Variants in GALNT18 observed in about 807,000 individuals in gnomAD.
GALNT18 encodes GalNAc-transferase 18.
GALNT18 carries 44 observed loss-of-function variants against 69.5 expected under a neutral mutation model. That is an observed-to-expected ratio of 0.63 (90% CI 0.50 to 0.81). The LOEUF (loss-of-function observed/expected upper bound fraction) is 0.81. Ranked by LOEUF, GALNT18 falls within the 40% of genes least tolerant of loss-of-function variation. The pLI is 0.00. For synonymous variants in GALNT18, 364 were observed against 318.2 expected (o/e 1.14, Z -1.53); for missense variants, 715 against 810.0 (o/e 0.88, Z 1.42).
At chr11:11,423,193 C>T (rs1191621571) in intron 3 of GALNT18, among the ~76,000 whole-genome samples, 1 of 152,218 alleles carries the variant, frequency 6.6e-6, no homozygotes, top group Non-Finnish European at 1.5e-5. Flanking sequence ...TGCACACACA[C>T]ACTTGTATGC....
intron 5 of GALNT18, among the ~76,000 whole-genome samples, chr11:11,374,826 T>A (rs1217724074): frequency 2.0e-5 from 3 of 152,256 alleles, no homozygotes; most frequent in Admixed American, 1.3e-4. Context: ...TTGGAATGCA[T>A]GTGCAGAACC....
In GALNT18 at chr11:11,341,677, C is replaced by T. The variant is rs555238715; in HGVS notation, c.1093-673G>A. 3.9e-4 allele frequency among the ~76,000 whole-genome samples: 60 copies of T among 152,194 alleles called. No homozygotes were observed. The highest frequency in any genetic ancestry group is 7.6e-4 in the Non-Finnish European group (52 of 68,030). ...AGTGTTAATGGGCAGCATCTCAAAG[C>T]TCTCGCTACAATCTTTCCAGCCATC... On this transcript the variant is annotated intron_variant, in intron 6 of 10. Coordinates refer to ENST00000227756, the MANE Select transcript of GALNT18 (RefSeq NM_198516.3). This position sits in a 1 kb window ranked among gnomAD's most constrained non-coding sequence, Gnocchi z 6.3.
intron 10 of GALNT18, among the ~76,000 whole-genome samples, chr11:11,280,454 G>A (rs1380505151): frequency 6.6e-6 from 1 of 151,872 alleles, no homozygotes; most frequent in Admixed American, 6.6e-5. Context: ...TCTTCCCCCA[G>A]CTGCCCACCC....
chr11:11,579,736 C>G (rs1859027909), intron 1 of GALNT18, among the ~76,000 whole-genome samples: 1 of 152,232 alleles, frequency 6.6e-6, no homozygotes, highest in African/African-American at 2.4e-5. Flanking sequence ...CCTGTGTGCT[C>G]TAAGGCCATG....
chr11:11,609,364 C>T (rs1385381176), intron 1 of GALNT18, among the ~76,000 whole-genome samples: 1 of 152,210 alleles, frequency 6.6e-6, no homozygotes, highest in East Asian at 1.9e-4. Flanking sequence ...GCCACAGGGG[C>T]TTTGCACTGG....
chr11:11,372,408 C>A lies in GALNT18; in HGVS notation c.1092+107G>T. On this transcript the variant is annotated intron_variant, in intron 6 of 10. Transcript: ENST00000227756. This position sits in a 1 kb window ranked among gnomAD's most constrained non-coding sequence, Gnocchi z 4.9. ...CACACAGGATTCAGGACTGGACATT[C>A]AGAATCAGTCTGTGACCCTCAACCT... 1.2e-6 allele frequency: 1 copy of A among 818,062 alleles called. No homozygotes were observed. Among genetic ancestry groups the A allele is most frequent in the Non-Finnish European group, 2.0e-6 (1 of 489,084 alleles). 50.7% of individuals were successfully genotyped at this position (818,062 alleles called of 1,614,324 possible). A position where few individuals can be genotyped will look rare whatever the true frequency, so the allele number is the denominator to read the frequency against.
intron 1 of GALNT18, among the ~76,000 whole-genome samples, chr11:11,594,916 C>A (rs1397416492): frequency 7.1e-6 from 1 of 139,902 alleles, no homozygotes; most frequent in African/African-American, 2.7e-5. Context: ...ACAAAATATG[C>A]GTGTGTGTAT....
chr11:11,488,236 A>G (rs767061462), intron 1 of GALNT18, among the ~76,000 whole-genome samples: 16 of 152,238 alleles, frequency 1.1e-4, no homozygotes, highest in Non-Finnish European at 2.4e-4. Flanking sequence ...TCAAAGGGTC[A>G]GCAGGGCTGT....
intron 3 of GALNT18, among the ~76,000 whole-genome samples, chr11:11,401,007 G>A (rs1178349589): frequency 3.9e-5 from 6 of 152,170 alleles, no homozygotes; most frequent in African/African-American, 9.7e-5. Flanking sequence ...GCCGGGGCAG[G>A]AACGTAGGCA....
intron 3 of GALNT18, among the ~76,000 whole-genome samples, chr11:11,412,398 C>T (rs146151850): frequency 1.3e-5 from 2 of 152,328 alleles, no homozygotes; most frequent in East Asian, 1.9e-4. Context: ...TTTGGATCCC[C>T]GATCCCTACC....
intron 3 of GALNT18, among the ~76,000 whole-genome samples, chr11:11,399,550 C>T (rs964923315): frequency 1.1e-4 from 17 of 152,102 alleles, no homozygotes; most frequent in African/African-American, 9.7e-5. Flanking sequence ...ATGTAAACAA[C>T]AACAACAGCA....
chr11:11,457,040 A>C (rs1855939937), intron 1 of GALNT18, among the ~76,000 whole-genome samples: 1 of 152,212 alleles, frequency 6.6e-6, no homozygotes, highest in African/African-American at 2.4e-5. Context: ...CTAATTGGCC[A>C]AGCAAGAGGA....
intron 1 of GALNT18, among the ~76,000 whole-genome samples, chr11:11,519,090 T>C (rs552314329): frequency 1.3e-5 from 2 of 152,316 alleles, no homozygotes; most frequent in East Asian, 3.9e-4. Context: ...CGATAGACTG[T>C]GCCCTGCATC....
chr11:11,524,671 A>T (rs1290374617), intron 1 of GALNT18, among the ~76,000 whole-genome samples: 1 of 152,230 alleles, frequency 6.6e-6, no homozygotes, highest in Non-Finnish European at 1.5e-5. Context: ...CACAGTCTCC[A>T]ACTTTAATGT....
chr11:11,517,824 G>A (rs1197163687), intron 1 of GALNT18, among the ~76,000 whole-genome samples: 1 of 152,094 alleles, frequency 6.6e-6, no homozygotes, highest in Non-Finnish European at 1.5e-5. Flanking sequence ...AAGAAGGCTT[G>A]ACAAACTATT....
intron 6 of GALNT18, chr11:11,352,395 A>C: frequency 6.2e-7 from 1 of 1,614,172 alleles, no homozygotes; most frequent in Non-Finnish European, 8.5e-7. Flanking sequence ...TATCCTCACC[A>C]ACTGATCATA....
chr11:11,554,200 G>A (rs930400203), intron 1 of GALNT18, among the ~76,000 whole-genome samples: 3 of 152,062 alleles, frequency 2.0e-5, no homozygotes, highest in Admixed American at 6.5e-5. Flanking sequence ...AATGTTTCTG[G>A]AGCCATGGCT....
chr11:11,305,940 G>A (rs2133022621), intron 9 of GALNT18, among the ~76,000 whole-genome samples: 1 of 152,304 alleles, frequency 6.6e-6, no homozygotes, highest in South Asian at 2.1e-4. Flanking sequence ...ACTCCCTGGT[G>A]CCTGCCTCGT....
chr11:11,415,066 C>A lies in GALNT18; in HGVS notation c.595+17555G>T, dbSNP rs1854821718. 6.6e-6 allele frequency among the ~76,000 whole-genome samples: 1 copy of A among 152,204 alleles called. No individual in the cohort carries two copies. Among genetic ancestry groups the A allele is most frequent in the Admixed American group, 6.5e-5 (1 of 15,284 alleles). ...GTCATCTGGGGAATGCTCTTGGCAA[C>A]AAGAGGCTGCCCAATCTCCTTGCCG... On this transcript the variant is annotated intron_variant, in intron 3 of 10. Transcript: ENST00000227756. The surrounding 1 kb of genome is among the most constrained non-coding windows in gnomAD (Gnocchi z 4.1).
Sources: allele counts gnomAD v4.1 joint callset (sites outside exome capture counted in the v4.1 genomes callset), GRCh38; gene constraint gnomAD v4.1.1; non-coding constraint Gnocchi (gnomAD v3.1); transcripts MANE v1.5; gene names NCBI Gene and HGNC (gene_info 2026-07-23, HGNC 2026-07-21).